KCNQ5: variants seen among roughly 807,000 people sequenced by gnomAD.
The protein encoded by KCNQ5 is potassium voltage-gated channel subfamily KQT member 5.
In KCNQ5, 30 loss-of-function variants were observed where a neutral mutation model predicts 98.2. The observed-to-expected ratio is 0.31, with a 90% CI of 0.23 to 0.41. The LOEUF is 0.41. KCNQ5 is among the 10% of genes least tolerant of loss of function. The pLI is 1.00. For synonymous variants in KCNQ5, 458 were observed against 449.4 expected, an observed-to-expected ratio of 1.02 and a Z score of -0.24; for missense variants, 835 against 1,182.5, an observed-to-expected ratio of 0.71 and a Z score of 4.31.
intron 1 of KCNQ5, among the ~76,000 whole-genome samples, chr6:72,960,820 C>G (rs901273405): frequency 6.6e-6 from 1 of 152,250 alleles, no homozygotes; most frequent in Non-Finnish European, 1.5e-5. Context: ...GTTCCCACCA[C>G]TCAGGACCCT....
intron 8 of KCNQ5, among the ~76,000 whole-genome samples, chr6:73,122,773 C>G (rs753686643): frequency 4.6e-5 from 7 of 152,142 alleles, no homozygotes; most frequent in African/African-American, 1.4e-4. Context: ...AATCAATGCA[C>G]GAGAAAATCA....
chr6:73,175,081 A>G (rs1227134041), intron 11 of KCNQ5, among the ~76,000 whole-genome samples: 3 of 152,082 alleles, frequency 2.0e-5, no homozygotes, highest in Non-Finnish European at 4.4e-5. Flanking sequence ...TTCACCTGGA[A>G]GCACTTGCCA....
At chr6:72,894,231 A>G (rs576300421) in intron 1 of KCNQ5, among the ~76,000 whole-genome samples, 10 of 152,186 alleles carry the variant, frequency 6.6e-5, no homozygotes, top group Non-Finnish European at 1.3e-4. Context: ...TTTCCTGGGA[A>G]ACATAGCTTA....
intron 1 of KCNQ5, among the ~76,000 whole-genome samples, chr6:72,877,972 G>C (rs761964651): frequency 6.6e-6 from 1 of 152,136 alleles, no homozygotes; most frequent in Non-Finnish European, 1.5e-5. Flanking sequence ...TTCTGTAGAC[G>C]TTATTAAAAA....
At chr6:72,775,728 C>CA (rs1773129023) in intron 1 of KCNQ5, among the ~76,000 whole-genome samples, 2 of 152,100 alleles carry the variant, frequency 1.3e-5, no homozygotes, top group Non-Finnish European at 1.5e-5. Flanking sequence ...TCTTCCTCCC[C>CA]AAAACCCATA....
At chr6:72,761,551 A>G (rs1353792188) in intron 1 of KCNQ5, among the ~76,000 whole-genome samples, 1 of 151,822 alleles carries the variant, frequency 6.6e-6, no homozygotes, top group East Asian at 1.9e-4. Flanking sequence ...CATGTAAATC[A>G]TATTTAATCA....
Position 73,192,614 on chromosome 6 carries a change from C to T in KCNQ5, c.1759C>T (p.Arg587Ter). 1 of 1,611,454 alleles carries T rather than the reference C, an allele frequency of 6.2e-7. No homozygotes were observed. Among genetic ancestry groups the T allele is most frequent in the South Asian group, 1.1e-5 (1 of 90,676 alleles). ...GCAAATCACATCAGATAAGAAGAGC[C>T]GAGAGAAAATAACAGCAGAACATGA... ...KGQITSDKKSREKITAEHETT... is the reference protein window; with the variant it reads ...KGQITSDKKS Residue 587 changes from arginine (R) to a stop codon, truncating the protein, a stop_gained, in exon 13 of 14, where the codon CGA becomes TGA. Transcript: ENST00000370398. LOFTEE classifies it high-confidence loss of function.
At chr6:72,713,184 T>C (rs1769457266) in intron 1 of KCNQ5, among the ~76,000 whole-genome samples, 1 of 152,190 alleles carries the variant, frequency 6.6e-6, no homozygotes, top group Non-Finnish European at 1.5e-5. Flanking sequence ...CTTGGCTTGC[T>C]AACATCTCTG....
intron 1 of KCNQ5, among the ~76,000 whole-genome samples, chr6:72,978,002 T>C (rs1768238294): frequency 6.6e-6 from 1 of 152,186 alleles, no homozygotes; most frequent in African/African-American, 2.4e-5. Flanking sequence ...AGAAATAAAG[T>C]AGTTAATAAG....
intron 3 of KCNQ5, among the ~76,000 whole-genome samples, chr6:73,075,163 A>C (rs1773475537): frequency 1.3e-5 from 2 of 152,092 alleles, no homozygotes; most frequent in Non-Finnish European, 2.9e-5. Flanking sequence ...CTTTATGCAT[A>C]TATTCACTTC....
chr6:73,057,149 T>TA (rs1772545784), intron 3 of KCNQ5, among the ~76,000 whole-genome samples: 2 of 151,990 alleles, frequency 1.3e-5, no homozygotes, highest in South Asian at 2.1e-4. Flanking sequence ...TATGCAGCCA[T>TA]AAAAAAGGAT....
At chr6:72,655,877 A>G (rs1332012459) in intron 1 of KCNQ5, among the ~76,000 whole-genome samples, 4 of 152,192 alleles carry the variant, frequency 2.6e-5, no homozygotes, top group Admixed American at 2.6e-4. Context: ...CTGGGAACTT[A>G]TTGTTATAGT....
intron 1 of KCNQ5, among the ~76,000 whole-genome samples, chr6:72,841,446 C>G (rs1776787136): frequency 6.6e-6 from 1 of 151,934 alleles, no homozygotes; most frequent in African/African-American, 2.4e-5. Context: ...ACCTTTGTTG[C>G]AAAATGCTTA....
At chr6:73,184,228 T>A (rs1230058568) in intron 11 of KCNQ5, among the ~76,000 whole-genome samples, 1 of 152,248 alleles carries the variant, frequency 6.6e-6, no homozygotes, top group Non-Finnish European at 1.5e-5. Flanking sequence ...CTTTGTGTGA[T>A]CCTAATTACG....
At chr6:72,813,451 A>C (rs1038549266) in intron 1 of KCNQ5, among the ~76,000 whole-genome samples, 1 of 152,228 alleles carries the variant, frequency 6.6e-6, no homozygotes, top group East Asian at 1.9e-4. Flanking sequence ...GTTTGTTAGC[A>C]TGTTACACAC....
chr6:72,720,588 G>A (rs1478241457), intron 1 of KCNQ5, among the ~76,000 whole-genome samples: 1 of 152,164 alleles, frequency 6.6e-6, no homozygotes, highest in Non-Finnish European at 1.5e-5. Context: ...CAGCCAAAGA[G>A]GTTTCTGCTA....
At chr6:73,067,965 A>C (rs964315442) in intron 3 of KCNQ5, among the ~76,000 whole-genome samples, 8 of 151,756 alleles carry the variant, frequency 5.3e-5, no homozygotes, top group Non-Finnish European at 1.2e-4. Flanking sequence ...ATGCAAATGT[A>C]TGTATTTATA....
At chr6:73,149,499 T>C (rs1161193123) in intron 10 of KCNQ5, among the ~76,000 whole-genome samples, 1 of 152,014 alleles carries the variant, frequency 6.6e-6, no homozygotes, top group Non-Finnish European at 1.5e-5. Context: ...GCACTACCCA[T>C]AAAAAGAAAA....
chr6:72,723,731 G>A (rs1770103471), intron 1 of KCNQ5, among the ~76,000 whole-genome samples: 1 of 151,600 alleles, frequency 6.6e-6, no homozygotes, highest in South Asian at 2.1e-4. Context: ...ATTGGATTTT[G>A]GAGCAATTTT....
Sources: gnomAD v4.1 joint callset for allele counts (sites outside exome capture counted in the v4.1 genomes callset) on GRCh38, gnomAD v4.1.1 for gene constraint, MANE v1.5 for transcripts, NCBI Gene and HGNC (gene_info 2026-07-23, HGNC 2026-07-21) for gene names.